Variants in GNA13 observed in about 807,000 individuals in gnomAD.
GNA13 encodes guanine nucleotide-binding protein subunit alpha-13.
A neutral mutation model predicts 33.5 loss-of-function variants in GNA13; 4 were observed. The ratio of observed to expected loss-of-function variants is 0.12; its 90% CI spans 0.06 to 0.27. GNA13 has a LOEUF of 0.27. Among genes scored for constraint, GNA13 ranks in the 10% least tolerant of loss-of-function variants. The pLI, the probability that GNA13 is intolerant of heterozygous loss-of-function variation, is 1.00. For synonymous variants in GNA13, 176 were observed against 183.8 expected, an observed-to-expected ratio of 0.96 and a Z score of 0.34; for missense variants, 319 against 487.2, an observed-to-expected ratio of 0.65 and a Z score of 3.25.
intron 2 of GNA13, among the ~76,000 whole-genome samples, chr17:65,025,686 C>T (rs1216404581): frequency 1.3e-5 from 2 of 151,984 alleles, no homozygotes; most frequent in East Asian, 1.9e-4. Context: ...GCTTAATAGG[C>T]AGCACTCCCT....
intron 2 of GNA13, 39 bp from the exon 3 acceptor site, chr17:65,018,342 GA>G (rs779652969): frequency 2.1e-6 from 2 of 971,946 alleles, no homozygotes; most frequent in Non-Finnish European, 3.4e-6. Flanking sequence ...TTAGGGCTTA[GA>G]AATGGAAGAT....
chr17:65,018,296 G>T lies in GNA13; in HGVS notation c.518C>A (p.Ser173Tyr). 1 of 1,483,994 alleles carries T rather than the reference G, an allele frequency of 6.7e-7. No individual in the cohort carries two copies. The highest frequency in any genetic ancestry group is 9.4e-7 in the Non-Finnish European group (1 of 1,061,604). 91.9% of individuals were successfully genotyped at this position (1,483,994 alleles called of 1,614,324 possible). Reference sequence around the variant, plus strand: ...CAAGTTATCCAGGAAATATTTTACAGATTCACCCTAAAAACAAGAAGAAAA... The same window carrying T: ...CAAGTTATCCAGGAAATATTTTACATATTCACCCTAAAAACAAGAAGAAAA... ...DRRREFQLGE[S>Y]VKYFLDNLDK... Residue 173 changes from serine to tyrosine, a missense_variant, in exon 3 of 4, where the codon TCT (serine) becomes TAT (tyrosine). Ser to Tyr is a moderately radical substitution (Grantham distance 144, BLOSUM62 -2). Transcript: ENST00000439174.
chr17:65,030,613 G>C (rs1314509955), intron 2 of GNA13, among the ~76,000 whole-genome samples: 1 of 152,186 alleles, frequency 6.6e-6, no homozygotes, highest in Non-Finnish European at 1.5e-5. Context: ...CTTGTAAAAT[G>C]TCCAGAATTT....
chr17:65,017,185 A>G (rs1312040239), intron 3 of GNA13, among the ~76,000 whole-genome samples: 1 of 152,232 alleles, frequency 6.6e-6, no homozygotes, highest in Non-Finnish European at 1.5e-5. Flanking sequence ...CACCTATGCC[A>G]GCTCCTTCAG....
At chr17:65,037,513 T>C (rs1907290769) in intron 2 of GNA13, among the ~76,000 whole-genome samples, 1 of 152,142 alleles carries the variant, frequency 6.6e-6, no homozygotes, top group Non-Finnish European at 1.5e-5. Context: ...ACCACTTTTT[T>C]CTTCTTGAAA....
intron 2 of GNA13, among the ~76,000 whole-genome samples, chr17:65,019,717 T>C (rs1906515014): frequency 6.6e-6 from 1 of 152,098 alleles, no homozygotes; most frequent in African/African-American, 2.4e-5. Flanking sequence ...GGCTAATAGG[T>C]ACAAAAGATA....
At chr17:65,050,455 ACAGTGG>A (rs1907822685) in intron 2 of GNA13, among the ~76,000 whole-genome samples, 1 of 152,236 alleles carries the variant, frequency 6.6e-6, no homozygotes, top group Non-Finnish European at 1.5e-5. Context: ...GAAGCCACGC[ACAGTGG>A]TTCATGCCTA....
At chr17:65,043,089 GA>G (rs1214089095) in intron 2 of GNA13, among the ~76,000 whole-genome samples, 3 of 152,072 alleles carry the variant, frequency 2.0e-5, no homozygotes, top group Admixed American at 6.6e-5. Flanking sequence ...TACAGTTGCA[GA>G]ACTAGAAATT....
At chr17:65,037,777 G>GAAAA (rs145051963) in intron 2 of GNA13, among the ~76,000 whole-genome samples, 4,188 of 82,008 alleles carry the variant, frequency 0.051, 1,374 homozygotes, top group African/African-American at 0.17. Flanking sequence ...CTACAAAAAT[G>GAAAA]GAAAAAAAAA....
chr17:65,039,859 C>T (rs1046653762), intron 2 of GNA13, among the ~76,000 whole-genome samples: 6 of 152,216 alleles, frequency 3.9e-5, no homozygotes, highest in Admixed American at 1.3e-4. Flanking sequence ...TTCAGTAACA[C>T]GTGACTGCAT....
chr17:65,036,047 A>G (rs961179433), intron 2 of GNA13, among the ~76,000 whole-genome samples: 10 of 152,230 alleles, frequency 6.6e-5, no homozygotes, highest in South Asian at 2.1e-4. Context: ...TTAATAAGGT[A>G]ATTCTACGCC....
chr17:65,037,353 C>G (rs1331607426), intron 2 of GNA13, among the ~76,000 whole-genome samples: 1 of 152,120 alleles, frequency 6.6e-6, no homozygotes, highest in Non-Finnish European at 1.5e-5. Flanking sequence ...TCTCCACTTC[C>G]TCGCCTCTCT....
At position 65,056,236 on chromosome 17, in the gene GNA13, G is replaced by T. The variant is rs1292809365; in HGVS notation, c.283+75C>A. The T allele has an allele frequency of 5.1e-6, 5 of 974,154 alleles. 1 individual carries two copies. The highest frequency in any genetic ancestry group is 3.2e-5 in the East Asian group (1 of 31,308). The allele number at this position is 974,154 out of a possible 1,614,324, so 60.3% of individuals were successfully genotyped here. A position where few individuals can be genotyped will look rare whatever the true frequency, so the allele number is the denominator to read the frequency against. On this transcript the variant is annotated intron_variant, in intron 1 of 3. Transcript: ENST00000439174. ...CGCCAGCGACACAGCGGACCAGGGC[G>T]GTGCCCCGCCCCGCACCCGCCGCCG... is the stretch of plus-strand genomic sequence containing the variant.
Position 65,010,289 on chromosome 17 carries a change from A to C in GNA13, c.*3968T>G, listed in dbSNP as rs929460395. Among the ~76,000 whole-genome samples the C allele has an allele frequency of 6.6e-6, 1 of 152,178 alleles. No homozygotes were observed. The highest frequency in any genetic ancestry group is 2.4e-5 in the African/African-American group (1 of 41,430). On this transcript the variant is annotated 3_prime_UTR_variant, in exon 4 of 4. Coordinates refer to ENST00000439174, the MANE Select transcript of GNA13 (RefSeq NM_006572.6). Reference sequence around the variant, plus strand: ...CTAGTATCTACTTGATGGAACTTGAAAAAGCCATAAAGTCCAACTTGTTTA... The same window carrying C: ...CTAGTATCTACTTGATGGAACTTGACAAAGCCATAAAGTCCAACTTGTTTA...
intron 2 of GNA13, among the ~76,000 whole-genome samples, chr17:65,024,744 A>G (rs947931662): frequency 6.6e-6 from 1 of 152,242 alleles, no homozygotes. Context: ...CATTACTTCA[A>G]ATCTGGATAT....
intron 2 of GNA13, among the ~76,000 whole-genome samples, chr17:65,025,189 C>G (rs1435486992): frequency 3.3e-5 from 5 of 152,162 alleles, no homozygotes; most frequent in Non-Finnish European, 7.4e-5. Context: ...TGAGCCACTA[C>G]ACCCAGCTGT....
chr17:65,043,971 A>T (rs1391635026), intron 2 of GNA13, among the ~76,000 whole-genome samples: 1 of 152,094 alleles, frequency 6.6e-6, no homozygotes, highest in Non-Finnish European at 1.5e-5. Context: ...ATAACAAAAA[A>T]ACTAGCCGGG....
intron 1 of GNA13, among the ~76,000 whole-genome samples, chr17:65,054,356 GGTTA>G (rs530656061): frequency 2.1e-4 from 32 of 152,294 alleles, no homozygotes; most frequent in African/African-American, 6.7e-4. Flanking sequence ...AACTCACAGA[GGTTA>G]GTTGAAACTC....
chr17:65,048,189 G>A (rs568679459), intron 2 of GNA13, among the ~76,000 whole-genome samples: 6 of 152,150 alleles, frequency 3.9e-5, no homozygotes, highest in African/African-American at 9.6e-5. Flanking sequence ...CCTGTCCTAC[G>A]TAACAAGTGT....
Sources: gnomAD v4.1 joint callset for allele counts (sites outside exome capture counted in the v4.1 genomes callset) on GRCh38, gnomAD v4.1.1 for gene constraint, MANE v1.5 for transcripts, NCBI Gene and HGNC (gene_info 2026-07-23, HGNC 2026-07-21) for gene names.